PCDHGB2: variants seen among roughly 807,000 people sequenced by gnomAD.
The protein encoded by PCDHGB2 is protocadherin gamma-B2.
A neutral mutation model predicts 59.3 loss-of-function variants in PCDHGB2; 55 were observed. The ratio of observed to expected loss-of-function variants is 0.93; its 90% CI spans 0.75 to 1.16. The LOEUF (loss-of-function observed/expected upper bound fraction) is 1.16, where lower values mean the gene tolerates loss of function less well. PCDHGB2 is among the 50% of genes most tolerant of loss of function. The probability of loss-of-function intolerance (pLI) is 0.00; values close to 1 mark genes in which losing one functional copy is unlikely to be tolerated. For missense variants in PCDHGB2, 1,228 were observed against 1,198.5 expected, an observed-to-expected ratio of 1.02 and a Z score of -0.36; for synonymous variants, 516 against 512.0, an observed-to-expected ratio of 1.01 and a Z score of -0.11.
chr5:141,462,656 A>G (rs1427673992), intron 1 of PCDHGB2, among the ~76,000 whole-genome samples: 2 of 151,950 alleles, frequency 1.3e-5, no homozygotes, highest in African/African-American at 4.8e-5. Context: ...ATCCTCAATT[A>G]TCTTCATATT....
intron 1 of PCDHGB2, chr5:141,409,285 T>G (rs773096828): frequency 6.2e-7 from 1 of 1,613,966 alleles, no homozygotes; most frequent in South Asian, 1.1e-5. Context: ...AGAATTCACC[T>G]CCAGGAATGG....
chr5:141,432,449 T>C lies in PCDHGB2; in HGVS notation c.2422-62358T>C. 5.6e-6 allele frequency: 9 copies of C among 1,614,220 alleles called. No individual in the cohort carries two copies. The highest frequency in any genetic ancestry group is 7.6e-6 in the Non-Finnish European group (9 of 1,180,038). On this transcript the variant is annotated intron_variant, in intron 1 of 3. Coordinates refer to ENST00000522605, the MANE Select transcript of PCDHGB2 (RefSeq NM_018923.3). The surrounding 1 kb of genome is among the most constrained non-coding windows in gnomAD (Gnocchi z 6.0). The stretch of plus-strand genomic sequence containing the variant: ...GAACGACAATGCGCCCGAGATCCTG[T>C]ACCCCGCCCTCCCCACGGACGGTTC...
intron 1 of PCDHGB2, chr5:141,394,247 C>A (rs1414649061): frequency 1.2e-6 from 2 of 1,613,854 alleles, no homozygotes; most frequent in African/African-American, 1.3e-5. Flanking sequence ...CTGCACACGA[C>A]CCCGACAGCC....
chr5:141,399,832 G>A, intron 1 of PCDHGB2: 1 of 1,613,152 alleles, frequency 6.2e-7, no homozygotes, highest in African/African-American at 1.3e-5. Flanking sequence ...CGACGGCTCT[G>A]CGCTCTTCGA....
At chr5:141,394,727 C>A in intron 1 of PCDHGB2, 1 of 1,613,436 alleles carries the variant, frequency 6.2e-7, no homozygotes, top group East Asian at 2.2e-5. Flanking sequence ...GAGATGCGCT[C>A]AAGCAGAGCC....
intron 1 of PCDHGB2, chr5:141,366,320 G>A: frequency 4.3e-6 from 7 of 1,613,788 alleles, no homozygotes; most frequent in East Asian, 2.2e-5. Flanking sequence ...CACCGTTGCC[G>A]TGGCCGACAG....
intron 1 of PCDHGB2, chr5:141,407,996 TGG>T: frequency 1.1e-6 from 1 of 872,310 alleles, no homozygotes; most frequent in South Asian, 2.0e-5. Flanking sequence ...GCCTCTGGCC[TGG>T]GATTCCCTGC....
chr5:141,408,933 G>C, intron 1 of PCDHGB2: 1 of 1,613,550 alleles, frequency 6.2e-7, no homozygotes, highest in South Asian at 1.1e-5. Context: ...GTTTTCAGCA[G>C]AGACGAATAT....
In PCDHGB2 at chr5:141,360,167, T is replaced by G. The variant is rs937249062; in HGVS notation, c.32T>G (p.Val11Gly). The stretch of plus-strand genomic sequence containing the variant: ...GCGAGCTCAGGGAGGTGCGGGCTGG[T>G]GCGGTGGCTGCAGGTACTGTTGCCC... Reference protein sequence around the residue: MKASSGRCGLVRWLQVLLPFL... With the variant: MKASSGRCGLGRWLQVLLPFL... Residue 11 changes from valine (V) to glycine (G), a missense_variant, in exon 1 of 4, where the codon GTG becomes GGG. This residue lies in a region of PCDHGB2 where 781 missense variants were observed against 721.6 expected (regional missense o/e 1.08). Transcript: ENST00000522605. 3 of 1,607,514 alleles carry G rather than the reference T, an allele frequency of 1.9e-6. No homozygotes were observed. The African/African-American group carries it at 4.0e-5, about 22-fold the overall frequency.
chr5:141,388,170 T>A (rs756859307), intron 1 of PCDHGB2: 1 of 1,495,754 alleles, frequency 6.7e-7, no homozygotes, highest in East Asian at 2.3e-5. Context: ...GGAGGAGATA[T>A]GCGGGAAGAA....
intron 1 of PCDHGB2, chr5:141,399,059 A>G (rs769553635): frequency 1.2e-6 from 2 of 1,613,764 alleles, no homozygotes; most frequent in Middle Eastern, 1.6e-4. Context: ...ACCAAGGAAT[A>G]TTCAATGGTT....
chr5:141,418,360 G>A (rs544948410), intron 1 of PCDHGB2: 3 of 1,613,990 alleles, frequency 1.9e-6, no homozygotes, highest in Non-Finnish European at 2.5e-6. Context: ...TGAATTCGCT[G>A]AGCAAATACC....
At chr5:141,398,612 T>G in intron 1 of PCDHGB2, 1 of 1,614,024 alleles carries the variant, frequency 6.2e-7, no homozygotes, top group Non-Finnish European at 8.5e-7. Flanking sequence ...GATGCAGATA[T>G]TGGCTTAAAC....
Position 141,481,350 on chromosome 5 carries a change from T to C in PCDHGB2, c.2422-13457T>C, listed in dbSNP as rs901892475. Among the ~76,000 whole-genome samples, 4 of 152,248 alleles carry C rather than the reference T, an allele frequency of 2.6e-5. No homozygotes were observed. The South Asian group carries it at 8.3e-4, about 32-fold the overall frequency. On this transcript the variant is annotated intron_variant, in intron 1 of 3. Coordinates refer to ENST00000522605, the MANE Select transcript of PCDHGB2 (RefSeq NM_018923.3). The stretch of plus-strand genomic sequence containing the variant: ...CCTGGACAACTATTATTTAAACATC[T>C]ACAGCTGTTCAATAGATATTGGGTT...
rs1199756501 is a variant in PCDHGB2 at position 141,493,222 on chromosome 5, C to A, written c.2422-1585C>A. Among the ~76,000 whole-genome samples the A allele has an allele frequency of 6.6e-6, 1 of 152,194 alleles. No individual in the cohort carries two copies. Among genetic ancestry groups the A allele is most frequent in the East Asian group, 1.9e-4 (1 of 5,196 alleles). ...ACCTCATCTCATTTGCTCTTCCCAC[C>A]ATTGCTGTTGGCTAGGTACTAACAT... On this transcript the variant is annotated intron_variant, in intron 1 of 3. Coordinates refer to ENST00000522605, the MANE Select transcript of PCDHGB2 (RefSeq NM_018923.3). This position sits in a 1 kb window ranked among gnomAD's most constrained non-coding sequence, Gnocchi z 4.3.
intron 1 of PCDHGB2, among the ~76,000 whole-genome samples, chr5:141,492,685 C>T (rs919981996): frequency 1.3e-5 from 2 of 152,242 alleles, no homozygotes; most frequent in African/African-American, 2.4e-5. Context: ...CAAGGGTCGG[C>T]GACCCCTCAA....
intron 1 of PCDHGB2, chr5:141,393,113 G>A: frequency 1.2e-6 from 2 of 1,613,500 alleles, no homozygotes; most frequent in Non-Finnish European, 8.5e-7. Context: ...CTCAGAGCCC[G>A]CGGTGTCTGA....
chr5:141,492,332 G>A (rs2099739439), intron 1 of PCDHGB2, among the ~76,000 whole-genome samples: 1 of 152,204 alleles, frequency 6.6e-6, no homozygotes. Flanking sequence ...GGGCTTACGC[G>A]AATACCAGCT....
chr5:141,429,960 A>C (rs981722031), intron 1 of PCDHGB2, among the ~76,000 whole-genome samples: 2 of 152,244 alleles, frequency 1.3e-5, no homozygotes, highest in African/African-American at 4.8e-5. Flanking sequence ...AGTCAATGCA[A>C]GTTGGAATGC....
Sources: allele counts gnomAD v4.1 joint callset (sites outside exome capture counted in the v4.1 genomes callset), GRCh38; gene constraint gnomAD v4.1.1; regional missense constraint gnomAD v4.1.1; non-coding constraint Gnocchi (gnomAD v3.1); transcripts MANE v1.5; gene names NCBI Gene and HGNC (gene_info 2026-07-23, HGNC 2026-07-21).